Variants in CAMKK2 observed in about 807,000 individuals in gnomAD.
The protein encoded by CAMKK2 is calcium/calmodulin-dependent protein kinase kinase 2.
Under a neutral mutation model 67.2 loss-of-function variants are expected in CAMKK2, and 30 were observed. The ratio of observed to expected loss-of-function variants is 0.45; its 90% CI spans 0.33 to 0.61. The LOEUF (loss-of-function observed/expected upper bound fraction) is 0.61, where lower values mean the gene tolerates loss of function less well. Among genes scored for constraint, CAMKK2 ranks in the 20% least tolerant of loss-of-function variants. The pLI is 0.02. For missense variants in CAMKK2, 643 were observed against 802.0 expected (o/e 0.80, Z 2.39); for synonymous variants, 322 against 326.2 (o/e 0.99, Z 0.14).
Position 121,245,630 on chromosome 12 carries a change from C to T in CAMKK2, c.1453-390G>A, listed in dbSNP as rs1383889116. Among the ~76,000 whole-genome samples, 3 of 152,154 alleles carry T rather than the reference C, an allele frequency of 2.0e-5. No individual in the cohort carries two copies. The highest frequency in any genetic ancestry group is 7.2e-5 in the African/African-American group (3 of 41,422). On this transcript the variant is annotated intron_variant, in intron 14 of 16. Coordinates refer to ENST00000404169, the MANE Select transcript of CAMKK2 (RefSeq NM_001270485.2). The surrounding 1 kb of genome is among the most constrained non-coding windows in gnomAD (Gnocchi z 5.8). ...GCCCCGGAAAGTTCTGGAGCAAGGA[C>T]GTGAACCAGTCATTCTTGGTGATGC...
At chr12:121,269,428 T>A in intron 4 of CAMKK2, 100 bp downstream of exon 4, 4 of 900,526 alleles carry the variant, frequency 4.4e-6, no homozygotes, top group Non-Finnish European at 1.8e-6. Context: ...AAGAATAAAA[T>A]GAGACAACAG....
At chr12:121,250,339 C>T (rs188836931) in intron 11 of CAMKK2, among the ~76,000 whole-genome samples, 39 of 152,300 alleles carry the variant, frequency 2.6e-4, no homozygotes, top group African/African-American at 7.9e-4. Context: ...AAACACTGCT[C>T]GTCACCTACT....
Position 121,240,566 on chromosome 12 carries a change from CA to C in CAMKK2, c.*132del. The C allele has an allele frequency of 6.6e-7, 1 of 1,512,454 alleles. No homozygotes were observed. The highest frequency in any genetic ancestry group is 8.8e-7 in the Non-Finnish European group (1 of 1,137,646). The allele number at this position is 1,512,454 out of a possible 1,614,324, so 93.7% of individuals were successfully genotyped here. ...CCCTTTAAAACAACAAAGGAAAAAA[CA>C]AATAACCAGAGATGACGATCGAGGC... On this transcript the variant is annotated 3_prime_UTR_variant, in exon 17 of 17. Coordinates refer to ENST00000404169, the MANE Select transcript of CAMKK2 (RefSeq NM_001270485.2). This position sits in a 1 kb window ranked among gnomAD's most constrained non-coding sequence, Gnocchi z 4.4.
intron 1 of CAMKK2, among the ~76,000 whole-genome samples, chr12:121,289,495 T>C (rs1899524579): frequency 6.6e-6 from 1 of 152,186 alleles, no homozygotes; most frequent in Non-Finnish European, 1.5e-5. Context: ...TAATTCTAAA[T>C]CTTATTTCTC....
chr12:121,249,911 A>C (rs750225100), intron 12 of CAMKK2, 37 bp from the exon 13 acceptor site: 5 of 1,611,616 alleles, frequency 3.1e-6, no homozygotes, highest in Non-Finnish European at 4.2e-6. Context: ...CAGACACGGG[A>C]CCGCCAAGAA....
chr12:121,244,711 A>G, intron 15 of CAMKK2, 96 bp from the exon 16 acceptor site: 1 of 985,256 alleles, frequency 1.0e-6, no homozygotes, highest in Non-Finnish European at 1.5e-6. Context: ...CAGACCCCAA[A>G]CACCAGCTTC....
intron 4 of CAMKK2, 151 bp downstream of exon 4, chr12:121,269,377 G>A: frequency 1.5e-6 from 1 of 656,284 alleles, no homozygotes; most frequent in Non-Finnish European, 2.7e-6. Context: ...TGTAAAATGG[G>A]CATACCACTT....
intron 2 of CAMKK2, among the ~76,000 whole-genome samples, chr12:121,273,175 T>A (rs918710867): frequency 6.6e-6 from 1 of 151,804 alleles, no homozygotes; most frequent in African/African-American, 2.4e-5. Context: ...GGAGGGTGCT[T>A]TAGGGATGGT....
At chr12:121,249,730 G>T in intron 13 of CAMKK2, 57 bp downstream of exon 13, 1 of 1,406,338 alleles carries the variant, frequency 7.1e-7, no homozygotes, top group Non-Finnish European at 1.0e-6. Flanking sequence ...GGGTCTGGCT[G>T]AGGCATGGCT....
chr12:121,261,749 C>T (rs1296122884), intron 6 of CAMKK2, among the ~76,000 whole-genome samples: 1 of 152,248 alleles, frequency 6.6e-6, no homozygotes, highest in South Asian at 2.1e-4. Flanking sequence ...CCACATGCAG[C>T]TCCCTGCCCT....
rs1190733543 is a variant in CAMKK2, at chr12:121,255,770, C to G, written c.818+13G>C. 1 of 1,613,932 alleles carries G rather than the reference C, an allele frequency of 6.2e-7. No individual in the cohort carries two copies. On this transcript the variant is annotated intron_variant, in intron 8 of 16. Coordinates refer to ENST00000404169, the MANE Select transcript of CAMKK2 (RefSeq NM_001270485.2). The stretch of plus-strand genomic sequence containing the variant: ...CTTCTTGCATCACCCCTGCTGGGAG[C>G]TGGGACACTCACCCTTGGTTGACCA...
chr12:121,286,914 G>T (rs141748658), intron 1 of CAMKK2, among the ~76,000 whole-genome samples: 2 of 151,078 alleles, frequency 1.3e-5, no homozygotes, highest in African/African-American at 4.9e-5. Context: ...TTTGGGGGGC[G>T]GGGCGGTTGG....
In CAMKK2 at chr12:121,253,468, G is replaced by A. The variant is rs1212909601; in HGVS notation, c.912C>T (p.His304=). 6.2e-7 allele frequency: 1 copy of A among 1,614,140 alleles called. No individual in the cohort carries two copies. Among genetic ancestry groups the A allele is most frequent in the Admixed American group, 1.7e-5 (1 of 60,018 alleles). The change falls in exon 10 of 17, where the codon CAC becomes CAT. Residue 304 remains histidine (H), a synonymous_variant. Transcript: ENST00000404169. The surrounding 1 kb of genome is among the most constrained non-coding windows in gnomAD (Gnocchi z 5.0). ...QDLIKGIEYL[H]YQKIIHRDIK... ...TGTCACGGTGGATGATCTTCTGGTAGTGTACTGGGGAGGCGTAGACAGCAG... is the reference window on the plus strand; with the variant it reads ...TGTCACGGTGGATGATCTTCTGGTAATGTACTGGGGAGGCGTAGACAGCAG...
At chr12:121,284,158 T>A (rs533188743) in intron 1 of CAMKK2, among the ~76,000 whole-genome samples, 3 of 152,234 alleles carry the variant, frequency 2.0e-5, no homozygotes, top group Non-Finnish European at 4.4e-5. Flanking sequence ...TGAATGTCAG[T>A]GCAAAGACAG....
chr12:121,274,784 T>C (rs1041508948), intron 1 of CAMKK2, among the ~76,000 whole-genome samples, 199 bp from the exon 2 acceptor site: 16 of 150,232 alleles, frequency 1.1e-4, no homozygotes, highest in Admixed American at 6.7e-4. Context: ...TTTTTTCTTT[T>C]ATTATTTTTT....
At chr12:121,258,672 T>C (rs190047445) in intron 7 of CAMKK2, among the ~76,000 whole-genome samples, 2 of 152,134 alleles carry the variant, frequency 1.3e-5, no homozygotes, top group African/African-American at 4.8e-5. Context: ...CAAATTAGCA[T>C]GGCTTTCTGC....
chr12:121,287,993 A>T (rs1375175866), intron 1 of CAMKK2, among the ~76,000 whole-genome samples: 1 of 152,228 alleles, frequency 6.6e-6, no homozygotes, highest in Non-Finnish European at 1.5e-5. Context: ...AATTTAAAAA[A>T]TATAAATAAA....
chr12:121,274,566 C>T lies in CAMKK2; in HGVS notation c.-40G>A. On this transcript the variant is annotated 5_prime_UTR_variant, in exon 2 of 17. Transcript: ENST00000404169. ...CTTCATCCAGCACACTGGGGCACTC[C>T]CATCCGGCAGCGGAGCCACCTGCAG... The T allele has an allele frequency of 6.8e-7, 1 of 1,462,856 alleles. No homozygotes were observed. The highest frequency in any genetic ancestry group is 2.4e-5 in the East Asian group (1 of 42,318). 90.6% of individuals were successfully genotyped at this position (1,462,856 alleles called of 1,614,324 possible).
At position 121,255,373 on chromosome 12, in the gene CAMKK2, T is replaced by C. The variant is rs1191755952; in HGVS notation, c.907+177A>G. Reference sequence around the variant, plus strand: ...ATATAATTATATATATAATTTTATATATATAATTTTATATATATATATGTA... The same window carrying C: ...ATATAATTATATATATAATTTTATACATATAATTTTATATATATATATGTA... On this transcript the variant is annotated intron_variant, in intron 9 of 16. Transcript: ENST00000404169. Among the ~76,000 whole-genome samples the C allele has an allele frequency of 5.2e-4, 5 of 9,526 alleles. 1 individual carries two copies. Among genetic ancestry groups the C allele is most frequent in the Non-Finnish European group, 8.3e-4 (5 of 6,034 alleles). 6.2% of individuals were successfully genotyped at this position (9,526 alleles called of 152,430 possible).
Sources: allele counts gnomAD v4.1 joint callset (sites outside exome capture counted in the v4.1 genomes callset), GRCh38; gene constraint gnomAD v4.1.1; non-coding constraint Gnocchi (gnomAD v3.1); transcripts MANE v1.5; gene names NCBI Gene and HGNC (gene_info 2026-07-23, HGNC 2026-07-21).